The following HSPA2 variants were observed in gnomAD, a reference collection of about 807,000 sequenced individuals.
HSPA2 encodes the protein heat shock protein family A (Hsp70) member 2.
HSPA2 carries 13 observed loss-of-function variants against 35.0 expected under a neutral mutation model. That is an observed-to-expected ratio of 0.37 (90% CI 0.24 to 0.59). The LOEUF (loss-of-function observed/expected upper bound fraction) is 0.59. Ranked by LOEUF, HSPA2 falls within the 20% of genes least tolerant of loss-of-function variation. HSPA2 has a pLI of 0.70. For synonymous variants in HSPA2, 368 were observed against 382.1 expected, an observed-to-expected ratio of 0.96 and a Z score of 0.43; for missense variants, 565 against 885.4, an observed-to-expected ratio of 0.64 and a Z score of 4.59.
chr14:64,541,677 C>A lies in HSPA2; in HGVS notation c.828C>A (p.Thr276=). The change falls in exon 1 of 1, where the codon ACC becomes ACA. Residue 276 remains threonine, a synonymous_variant. Coordinates refer to ENST00000247207, the MANE Select transcript of HSPA2 (RefSeq NM_021979.4). Reference sequence around the variant, plus strand: ...CCGCTTGCGAGCGCGCCAAGCGCACCCTGAGCTCGTCCACGCAGGCGAGCA... The same window carrying A: ...CCGCTTGCGAGCGCGCCAAGCGCACACTGAGCTCGTCCACGCAGGCGAGCA... ...LRTACERAKR[T]LSSSTQASIE... is the part of the protein sequence containing the mutation. The A allele has an allele frequency of 5.0e-6, 8 of 1,611,894 alleles. No homozygotes were observed. The highest frequency in any genetic ancestry group is 6.8e-6 in the Non-Finnish European group (8 of 1,179,742).
upstream of HSPA2, among the ~76,000 whole-genome samples, chr14:64,537,735 C>T (rs112604343): frequency 0.21 from 6,572 of 30,918 alleles, 336 homozygotes; most frequent in Middle Eastern, 0.41. Context: ...TTTTCTTTTT[C>T]TTTTTTTTTT....
At chr14:64,537,284 G>C (rs758864510), upstream of HSPA2, among the ~76,000 whole-genome samples, 6 of 151,772 alleles carry the variant, frequency 4.0e-5, no homozygotes, top group Non-Finnish European at 8.8e-5. Context: ...AAGAAGGAAA[G>C]AAAGAAAGAA....
upstream of HSPA2, chr14:64,540,730 C>T (rs1361517939): frequency 1.3e-5 from 19 of 1,445,620 alleles, no homozygotes; most frequent in Non-Finnish European, 1.8e-5. Context: ...GGGAACTGGG[C>T]GCGGGGAGCT....
In HSPA2 at chr14:64,541,059, C is replaced by T; in HGVS notation, c.210C>T (p.Asp70=). 6.2e-7 allele frequency: 1 copy of T among 1,614,180 alleles called. No individual in the cohort carries two copies. The highest frequency in any genetic ancestry group is 2.2e-5 in the East Asian group (1 of 44,876). The part of the protein sequence containing the change: ...VAMNPTNTIF[D]AKRLIGRKFE... ...TGAACCCCACCAACACCATCTTCGA[C>T]GCCAAGAGGCTGATTGGACGGAAAT... Residue 70 remains aspartate (D), a synonymous_variant, in exon 1 of 1, where the codon GAC becomes GAT. Transcript: ENST00000247207.
chr14:64,540,379 G>C (rs959253328), upstream of HSPA2: 3 of 212,088 alleles, frequency 1.4e-5, no homozygotes, highest in South Asian at 2.0e-4. Flanking sequence ...CATTGGCCGC[G>C]TGCCCTGCCA....
At chr14:64,538,426 G>C (rs528546975), upstream of HSPA2, among the ~76,000 whole-genome samples, 2 of 152,314 alleles carry the variant, frequency 1.3e-5, no homozygotes, top group Admixed American at 1.3e-4. Flanking sequence ...TTGCTTGCCT[G>C]TATCCCTCCC....
At chr14:64,538,412 C>G (rs560092491), upstream of HSPA2, among the ~76,000 whole-genome samples, 1 of 152,206 alleles carries the variant, frequency 6.6e-6, no homozygotes, top group Non-Finnish European at 1.5e-5. Flanking sequence ...ACCTGAAGAG[C>G]CTATTGCTTG....
chr14:64,535,918 C>A (rs147557907), upstream of HSPA2: 8 of 157,070 alleles, frequency 5.1e-5, no homozygotes, highest in South Asian at 1.6e-4. Flanking sequence ...TCTTGCCTGC[C>A]GCCATGTGCC....
At chr14:64,538,796 T>C (rs913457300), upstream of HSPA2, among the ~76,000 whole-genome samples, 1 of 152,218 alleles carries the variant, frequency 6.6e-6, no homozygotes, top group Non-Finnish European at 1.5e-5. Flanking sequence ...TCCCCACACA[T>C]ATTATGTAAA....
chr14:64,538,752 C>A (rs1397198946), upstream of HSPA2, among the ~76,000 whole-genome samples: 2 of 152,232 alleles, frequency 1.3e-5, no homozygotes, highest in African/African-American at 4.8e-5. Context: ...GTAGTAGGTA[C>A]CTGTTCAAGC....
chr14:64,540,768 G>A lies in HSPA2; in HGVS notation c.-82G>A, dbSNP rs2080021698. 6 of 1,564,668 alleles carry A rather than the reference G, an allele frequency of 3.8e-6. No individual in the cohort carries two copies. In the South Asian group the frequency reaches 6.1e-5, roughly 16 times the overall value. ...GTTGCTGGTAGTGCCCGTGGTGCTT[G>A]GTTCGAGGTGGCCGTTAGTTGACTC... is the stretch of plus-strand genomic sequence containing the variant. On this transcript the variant is annotated 5_prime_UTR_variant, in exon 1 of 1. Coordinates refer to ENST00000247207, the MANE Select transcript of HSPA2 (RefSeq NM_021979.4).
chr14:64,537,291 AG>A (rs1166704733), upstream of HSPA2, among the ~76,000 whole-genome samples: 1 of 152,130 alleles, frequency 6.6e-6, no homozygotes, highest in African/African-American at 2.4e-5. Context: ...AAAGAAAGAA[AG>A]AAAGAGAAAG....
At position 64,541,256 on chromosome 14, in the gene HSPA2, TG is replaced by T; in HGVS notation, c.413del (p.Gly138AlafsTer8). On this transcript the variant is annotated frameshift_variant, in exon 1 of 1. Transcript: ENST00000247207. LOFTEE classifies it high-confidence loss of function. ...TKMKEIAEAY[L>X]GGKVHSAVIT... ...ATGAAGGAGATCGCGGAAGCCTACCTGGGGGGCAAGGTGCACAGCGCGGTCA... is the reference window on the plus strand; with the variant it reads ...ATGAAGGAGATCGCGGAAGCCTACCTGGGGGCAAGGTGCACAGCGCGGTCA... The T allele has an allele frequency of 6.2e-7, 1 of 1,613,846 alleles. No individual in the cohort carries two copies.
At chr14:64,540,561 C>T (rs902906907), upstream of HSPA2, 8 of 469,312 alleles carry the variant, frequency 1.7e-5, no homozygotes, top group African/African-American at 3.9e-5. Flanking sequence ...TGTCTCCTGG[C>T]GGGGGCCGGA....
Position 64,541,404 on chromosome 14 carries a change from C to T in HSPA2, c.555C>T (p.Gly185=), listed in dbSNP as rs369070725. 1 of 1,613,794 alleles carries T rather than the reference C, an allele frequency of 6.2e-7. No individual in the cohort carries two copies. The highest frequency in any genetic ancestry group is 8.5e-7 in the Non-Finnish European group (1 of 1,180,022). ...CCACGGCGGCGGCCATCGCCTACGG[C>T]CTGGACAAGAAGGGCTGCGCGGGCG... ...NEPTAAAIAY[G]LDKKGCAGGE... Residue 185 remains glycine (G), a synonymous_variant, in exon 1 of 1, where the codon GGC becomes GGT. Coordinates refer to ENST00000247207, the MANE Select transcript of HSPA2 (RefSeq NM_021979.4).
chr14:64,542,587 G>T lies in HSPA2; in HGVS notation c.1738G>T (p.Val580Leu), dbSNP rs1387874798. 3.7e-6 allele frequency: 6 copies of T among 1,613,834 alleles called. No individual in the cohort carries two copies. Among genetic ancestry groups the T allele is most frequent in the African/African-American group, 1.3e-5 (1 of 74,966 alleles). The change falls in exon 1 of 1, where the codon GTG becomes TTG. Residue 580 changes from valine to leucine, a missense_variant. Coordinates refer to ENST00000247207, the MANE Select transcript of HSPA2 (RefSeq NM_021979.4). This position sits in a 1 kb window ranked among gnomAD's most constrained non-coding sequence, Gnocchi z 5.7. ...KNKILDKCQEVINWLDRNQMA... is the reference protein window; with the variant it reads ...KNKILDKCQELINWLDRNQMA... ...CAAGATCCTCGACAAGTGTCAGGAG[G>T]TGATCAACTGGCTCGACCGAAACCA...
chr14:64,542,705 G>A lies in HSPA2; in HGVS notation c.1856G>A (p.Gly619Asp). 6.2e-7 allele frequency: 1 copy of A among 1,613,814 alleles called. No individual in the cohort carries two copies. The highest frequency in any genetic ancestry group is 2.2e-5 in the East Asian group (1 of 44,864). ...AGCAAACTTTACCAAGGTGGTCCTG[G>A]CGGCGGCAGCGGCGGCGGCGGTTCA... Reference protein sequence around the residue: ...IISKLYQGGPGGGSGGGGSGA... With the variant: ...IISKLYQGGPDGGSGGGGSGA... Residue 619 changes from glycine (G) to aspartate (D), a missense_variant, in exon 1 of 1, where the codon GGC (glycine) becomes GAC (aspartate). This residue lies in a region of HSPA2 where 147 missense variants were observed against 166.7 expected (regional missense o/e 0.88). Coordinates refer to ENST00000247207, the MANE Select transcript of HSPA2 (RefSeq NM_021979.4). The surrounding 1 kb of genome is among the most constrained non-coding windows in gnomAD (Gnocchi z 5.7).
At position 64,542,703 on chromosome 14, in the gene HSPA2, TGGCGGCGGCAGC is replaced by T; in HGVS notation, c.1864_1875del (p.Ser622_Gly625del). 1 of 1,614,034 alleles carries T rather than the reference TGGCGGCGGCAGC, an allele frequency of 6.2e-7. No homozygotes were observed. The highest frequency in any genetic ancestry group is 1.6e-4 in the Middle Eastern group (1 of 6,062). On this transcript the variant is annotated inframe_deletion, in exon 1 of 1. Transcript: ENST00000247207. The surrounding 1 kb of genome is among the most constrained non-coding windows in gnomAD (Gnocchi z 5.7). The stretch of plus-strand genomic sequence containing the variant: ...TCAGCAAACTTTACCAAGGTGGTCC[TGGCGGCGGCAGC>T]GGCGGCGGCGGTTCAGGAGCCTCCG...
At position 64,540,792 on chromosome 14, in the gene HSPA2, T is replaced by A; in HGVS notation, c.-58T>A. ...TGGTTCGAGGTGGCCGTTAGTTGAC[T>A]CCGCGGAGTTCATCTCCCTGGTTTT... On this transcript the variant is annotated 5_prime_UTR_variant, in exon 1 of 1. Coordinates refer to ENST00000247207, the MANE Select transcript of HSPA2 (RefSeq NM_021979.4). 1 of 1,590,316 alleles carries A rather than the reference T, an allele frequency of 6.3e-7. No homozygotes were observed. Among genetic ancestry groups the A allele is most frequent in the Non-Finnish European group, 8.6e-7 (1 of 1,166,758 alleles).
Sources: allele counts gnomAD v4.1 joint callset (sites outside exome capture counted in the v4.1 genomes callset), GRCh38; gene constraint gnomAD v4.1.1; regional missense constraint gnomAD v4.1.1; non-coding constraint Gnocchi (gnomAD v3.1); transcripts MANE v1.5; gene names NCBI Gene and HGNC (gene_info 2026-07-23, HGNC 2026-07-21).